The following KIAA0586 variants were observed in gnomAD, a reference collection of about 807,000 sequenced individuals.
KIAA0586 encodes the protein protein TALPID3.
Under a neutral mutation model 169.8 loss-of-function variants are expected in KIAA0586, and 144 were observed. The observed-to-expected ratio is 0.85, with a 90% CI of 0.74 to 0.97. The LOEUF is 0.97. Among genes scored for constraint, KIAA0586 ranks in the 50% least tolerant of loss-of-function variants. The pLI is 0.00. For synonymous variants in KIAA0586, 625 were observed against 612.4 expected (o/e 1.02, Z -0.30); for missense variants, 1,854 against 1,823.0 (o/e 1.02, Z -0.31).
rs1417816351 is a variant in KIAA0586 at position 58,543,786 on chromosome 14, C to G, written c.4495+3650C>G. On this transcript the variant is annotated intron_variant, in intron 30 of 30. Transcript: ENST00000652326. ...CCACTGCCAAGGATCATTAGTTCTT[C>G]TATGGACTATTTTTATAGATCCGTC... 7.6e-6 allele frequency: 3 copies of G among 394,452 alleles called. No individual in the cohort carries two copies. The East Asian group carries it at 2.2e-4, about 29-fold the overall frequency. 24.4% of individuals were successfully genotyped at this position (394,452 alleles called of 1,614,324 possible). A position where few individuals can be genotyped will look rare whatever the true frequency, so the allele number is the denominator to read the frequency against.
At chr14:58,466,318 A>C (rs2140943952) in intron 15 of KIAA0586, among the ~76,000 whole-genome samples, 1 of 152,332 alleles carries the variant, frequency 6.6e-6, no homozygotes, top group African/African-American at 2.4e-5. Context: ...TTTGTGGGGA[A>C]GGCCTCACAA....
Position 58,442,765 on chromosome 14 carries a change from T to C in KIAA0586, c.470T>C (p.Ile157Thr). The C allele has an allele frequency of 6.3e-7, 1 of 1,598,434 alleles. No individual in the cohort carries two copies. Among genetic ancestry groups the C allele is most frequent in the Non-Finnish European group, 8.5e-7 (1 of 1,171,406 alleles). ...GTACATCTGTTAGAAGATGCAGGCA[T>C]AGAGAAGGATGCTGTTACTCAGGAG... ...VKVHLLEDAG[I>T]EKDAVTQETR... The change falls in exon 5 of 31, where the codon ATA (isoleucine) becomes ACA (threonine). Residue 157 changes from isoleucine (I) to threonine (T), a missense_variant. Ile to Thr is a moderately conservative substitution (Grantham distance 89, BLOSUM62 -1). Coordinates refer to ENST00000652326, the MANE Select transcript of KIAA0586 (RefSeq NM_001329943.3).
intron 21 of KIAA0586, among the ~76,000 whole-genome samples, chr14:58,484,896 A>ATATATATTTATATATATATTTT (rs1397867264): frequency 0.036 from 183 of 5,072 alleles, 25 homozygotes; most frequent in African/African-American, 0.075. Flanking sequence ...ATATTTATAT[A>ATATATATTTATATATATATTTT]TATATATATA....
intron 29 of KIAA0586, among the ~76,000 whole-genome samples, chr14:58,516,381 A>T (rs2044755366): frequency 6.6e-6 from 1 of 152,168 alleles, no homozygotes; most frequent in Non-Finnish European, 1.5e-5. Context: ...TATAGGTGAA[A>T]ACCTATTTGG....
Position 58,467,762 on chromosome 14 carries a change from T to C in KIAA0586, c.2282T>C (p.Met761Thr). The C allele has an allele frequency of 6.2e-7, 1 of 1,612,738 alleles. No individual in the cohort carries two copies. The change falls in exon 16 of 31, where the codon ATG becomes ACG. Residue 761 changes from methionine (M) to threonine (T), a missense_variant. Met to Thr is a moderately conservative substitution (Grantham distance 81). Coordinates refer to ENST00000652326, the MANE Select transcript of KIAA0586 (RefSeq NM_001329943.3). ...LGQTQSNSDT[M>T]PPAGVIVSKP... ...CAAACCCAAAGTAATAGTGATACCA[T>C]GCCACCTGCTGGAGTGATTGTCAGC...
At position 58,457,823 on chromosome 14, in the gene KIAA0586, C is replaced by A; in HGVS notation, c.1427C>A (p.Thr476Lys). 1 of 1,607,924 alleles carries A rather than the reference C, an allele frequency of 6.2e-7. No individual in the cohort carries two copies. The highest frequency in any genetic ancestry group is 1.7e-5 in the Admixed American group (1 of 59,296). ...DLPQNSVKLQ[T>K]TNTTRSVLKD... ...CCACAGAATTCTGTTAAGCTTCAAA[C>A]AACCAATACAACAAGATCTGTATTG... The change falls in exon 11 of 31, where the codon ACA (threonine) becomes AAA (lysine). Residue 476 changes from threonine (T) to lysine (K), a missense_variant. By Grantham distance (78) the Thr-to-Lys change is moderately conservative. Transcript: ENST00000652326.
rs751358447 is a variant in KIAA0586 at position 58,429,376 on chromosome 14, A to G, written c.213A>G (p.Leu71=). The change falls in exon 2 of 31, where the codon TTA becomes TTG. Residue 71 remains leucine, a synonymous_variant. Coordinates refer to ENST00000652326, the MANE Select transcript of KIAA0586 (RefSeq NM_001329943.3). ...TTGTTTTGTTAGGTTCATCAGACTT[A>G]ACTTCTGCTAGAAATTGTTACCAGC... ...LNGTSRGSSD[L]TSARNCYQPL... 1 of 1,592,450 alleles carries G rather than the reference A, an allele frequency of 6.3e-7. No homozygotes were observed. Among genetic ancestry groups the G allele is most frequent in the Non-Finnish European group, 8.6e-7 (1 of 1,160,522 alleles).
At chr14:58,495,439 C>T (rs1056771823) in intron 26 of KIAA0586, among the ~76,000 whole-genome samples, 1 of 151,878 alleles carries the variant, frequency 6.6e-6, no homozygotes, top group Non-Finnish European at 1.5e-5. Context: ...GTAGCTGGGA[C>T]TATAGGCGTG....
chr14:58,547,684 G>C, intron 30 of KIAA0586, 97 bp from the exon 31 acceptor site: 2 of 946,958 alleles, frequency 2.1e-6, no homozygotes, highest in Non-Finnish European at 3.1e-6. Flanking sequence ...TGGAATCCGC[G>C]CCCCCCCACC....
rs760963148 is a variant in KIAA0586 at position 58,546,427 on chromosome 14, GA to G, written c.4496-1349del. Among the ~76,000 whole-genome samples, 4 of 152,230 alleles carry G rather than the reference GA, an allele frequency of 2.6e-5. 1 individual carries two copies. Reference sequence around the variant, plus strand: ...ACTGTGGCCCCTATAAAAATTTAATGAAAAATTCTATGTTATTACTGTAGAA... The same window carrying G: ...ACTGTGGCCCCTATAAAAATTTAATGAAAATTCTATGTTATTACTGTAGAA... On this transcript the variant is annotated intron_variant, in intron 30 of 30. Coordinates refer to ENST00000652326, the MANE Select transcript of KIAA0586 (RefSeq NM_001329943.3).
chr14:58,544,444 A>G (rs1470176505), intron 30 of KIAA0586, among the ~76,000 whole-genome samples: 6 of 152,190 alleles, frequency 3.9e-5, no homozygotes, highest in African/African-American at 1.4e-4. Context: ...AGGAATCATT[A>G]TATTACTTTC....
chr14:58,473,969 A>G (rs946570340), intron 18 of KIAA0586, among the ~76,000 whole-genome samples: 2 of 152,090 alleles, frequency 1.3e-5, no homozygotes, highest in Admixed American at 6.6e-5. Context: ...TACAAGAAGC[A>G]TGGTGCCAGC....
At chr14:58,475,197 G>A (rs769817825) in intron 19 of KIAA0586, among the ~76,000 whole-genome samples, 28 of 152,196 alleles carry the variant, frequency 1.8e-4, no homozygotes, top group Non-Finnish European at 7.3e-5. Context: ...GGTGAGCAGC[G>A]GGTGAGTGAG....
intron 29 of KIAA0586, among the ~76,000 whole-genome samples, chr14:58,523,529 TTTATTCAACAGCTATTACAAA>T (rs1390989306): frequency 6.6e-6 from 1 of 152,082 alleles, no homozygotes; most frequent in Non-Finnish European, 1.5e-5. Flanking sequence ...TAGTAGCCTT[TTTATTCAACAGCTATTACAAA>T]TAATTTAACC....
At chr14:58,542,214 C>T (rs1426179000) in intron 30 of KIAA0586, among the ~76,000 whole-genome samples, 2 of 152,132 alleles carry the variant, frequency 1.3e-5, no homozygotes, top group Non-Finnish European at 2.9e-5. Context: ...CGCAGTGGCT[C>T]ACGCCTGTAA....
intron 29 of KIAA0586, 103 bp from the exon 30 acceptor site, chr14:58,539,968 G>A (rs762758564): frequency 7.6e-6 from 5 of 656,188 alleles, no homozygotes; most frequent in Admixed American, 5.6e-5. Context: ...TGAGAATAAC[G>A]GTGGGAGTGC....
intron 21 of KIAA0586, among the ~76,000 whole-genome samples, chr14:58,485,652 A>G (rs1010574133): frequency 1.3e-5 from 2 of 152,138 alleles, no homozygotes; most frequent in Non-Finnish European, 2.9e-5. Context: ...GAGAGACTTA[A>G]TTTTCACTAT....
At chr14:58,553,065 TAGTC>T (rs2047225674), downstream of KIAA0586, among the ~76,000 whole-genome samples, 1 of 152,192 alleles carries the variant, frequency 6.6e-6, no homozygotes, top group Non-Finnish European at 1.5e-5. Flanking sequence ...CATTCCCCAA[TAGTC>T]GGACGGGTTA....
chr14:58,561,508 G>A, the KIAA0586 span, among the ~76,000 whole-genome samples: 2 of 152,072 alleles, frequency 1.3e-5, no homozygotes, highest in Admixed American at 6.5e-5. Context: ...TTTCCAATAG[G>A]AAAACAAGAT....
Sources: allele counts gnomAD v4.1 joint callset (sites outside exome capture counted in the v4.1 genomes callset), GRCh38; gene constraint gnomAD v4.1.1; transcripts MANE v1.5; gene names NCBI Gene and HGNC (gene_info 2026-07-23, HGNC 2026-07-21).